The following CDK17 variants were observed in gnomAD, a reference collection of about 807,000 sequenced individuals.
CDK17 encodes cyclin dependent kinase 17.
A neutral mutation model predicts 77.6 loss-of-function variants in CDK17; 24 were observed. The observed-to-expected ratio is 0.31, with a 90% CI of 0.22 to 0.44. The LOEUF (loss-of-function observed/expected upper bound fraction) is 0.44. Among genes scored for constraint, CDK17 ranks in the 20% least tolerant of loss-of-function variants. The pLI is 1.00. For missense variants in CDK17, 429 were observed against 622.5 expected (o/e 0.69, Z 3.31); for synonymous variants, 203 against 210.4 (o/e 0.96, Z 0.30).
chr12:96,395,291 T>C (rs1954150457), intron 1 of CDK17, among the ~76,000 whole-genome samples: 1 of 152,280 alleles, frequency 6.6e-6, no homozygotes. Context: ...CAGTTCAATG[T>C]ACTTTAAATC....
At chr12:96,312,198 G>T (rs1952653460) in intron 4 of CDK17, among the ~76,000 whole-genome samples, 1 of 152,146 alleles carries the variant, frequency 6.6e-6, no homozygotes, top group African/African-American at 2.4e-5. Context: ...GATCACTTGA[G>T]CCCAGGAGGT....
Position 96,297,257 on chromosome 12 carries a change from C to CAAG in CDK17, c.873+10_873+12dup. ...AAACAAAATTTAAAAATTACACACGCAAGAAAACATACCTTTACGTTGTGC... is the reference window on the plus strand; with the variant it reads ...AAACAAAATTTAAAAATTACACACGCAAGAAGAAAACATACCTTTACGTTGTGC... On this transcript the variant is annotated intron_variant, in intron 9 of 16. Coordinates refer to ENST00000261211, the MANE Select transcript of CDK17 (RefSeq NM_002595.5). 1 of 1,581,620 alleles carries CAAG rather than the reference C, an allele frequency of 6.3e-7. No individual in the cohort carries two copies.
At position 96,297,486 on chromosome 12, in the gene CDK17, T is replaced by C. The variant is rs545695164; in HGVS notation, c.810+141A>G. 2,737 of 745,906 alleles carry C rather than the reference T, an allele frequency of 3.7e-3. 14 individuals are homozygous for C. Among genetic ancestry groups the C allele is most frequent in the Non-Finnish European group, 3.2e-3 (1,436 of 443,608 alleles). 46.2% of individuals were successfully genotyped at this position (745,906 alleles called of 1,614,324 possible). A position where few individuals can be genotyped will look rare whatever the true frequency, so the allele number is the denominator to read the frequency against. ...TAATGAAAAACTGATAACTAAATAA[T>C]AAAGTCTCTTGGGCTGTTAAAAAGT... is the stretch of plus-strand genomic sequence containing the variant. On this transcript the variant is annotated intron_variant, in intron 8 of 16. Transcript: ENST00000261211.
intron 1 of CDK17, among the ~76,000 whole-genome samples, chr12:96,362,992 C>T (rs547469511): frequency 1.3e-5 from 2 of 152,268 alleles, no homozygotes; most frequent in South Asian, 4.1e-4. Flanking sequence ...AGACCTCACA[C>T]ATTTATTAAG....
At chr12:96,334,109 T>C (rs903055988) in intron 2 of CDK17, among the ~76,000 whole-genome samples, 1 of 152,214 alleles carries the variant, frequency 6.6e-6, no homozygotes, top group African/African-American at 2.4e-5. Context: ...CTGCACATCA[T>C]GACACACTGA....
chr12:96,281,516 G>C (rs1426362938), intron 15 of CDK17, among the ~76,000 whole-genome samples: 1 of 152,100 alleles, frequency 6.6e-6, no homozygotes, highest in East Asian at 1.9e-4. Context: ...TTACAGGTAC[G>C]CGCCACCACG....
rs1032376963 is a variant in CDK17, at chr12:96,279,371, A to C, written c.*871T>G. ...CAATGAAATATCATCCTTTCTAATA[A>C]AATAAATGTATTTAAAACAAACAAA... On this transcript the variant is annotated 3_prime_UTR_variant, in exon 17 of 17. Coordinates refer to ENST00000261211, the MANE Select transcript of CDK17 (RefSeq NM_002595.5). 6.6e-6 allele frequency: 1 copy of C among 152,144 alleles called. No individual in the cohort carries two copies. The highest frequency in any genetic ancestry group is 2.4e-5 in the African/African-American group (1 of 41,472). 9.4% of individuals were successfully genotyped at this position (152,144 alleles called of 1,614,324 possible).
chr12:96,280,884 A>G lies in CDK17; in HGVS notation c.1458T>C (p.Ser486=), dbSNP rs745829884. 5.0e-6 allele frequency: 8 copies of G among 1,611,166 alleles called. 1 individual carries two copies. The South Asian group carries it at 7.8e-5, about 16-fold the overall frequency. Residue 486 remains serine, a splice_region_variant and synonymous_variant, in exon 16 of 17, where the codon AGT becomes AGC. Coordinates refer to ENST00000261211, the MANE Select transcript of CDK17 (RefSeq NM_002595.5). Reference sequence around the variant, plus strand: ...TCTCTTTCAAACTGAATATTGATACACCTAAAATGCATAGACAAAAATTAT... The same window carrying G: ...TCTCTTTCAAACTGAATATTGATACGCCTAAAATGCATAGACAAAAATTAT... ...LGPRIHALPE[S]VSIFSLKEIQ... is the part of the protein sequence containing the mutation.
chr12:96,355,058 A>C (rs535724218), intron 1 of CDK17, among the ~76,000 whole-genome samples: 1 of 152,084 alleles, frequency 6.6e-6, no homozygotes. Flanking sequence ...GGCACTTACT[A>C]AACTGTTAAA....
At position 96,360,130 on chromosome 12, in the gene CDK17, A is replaced by T. The variant is rs1047810135; in HGVS notation, c.-29-25265T>A. On this transcript the variant is annotated intron_variant, in intron 1 of 16. Coordinates refer to ENST00000261211, the MANE Select transcript of CDK17 (RefSeq NM_002595.5). ...ACAGGCCAAGGTGACCCCACTAAAT[A>T]ATGGAGAGGAAAGCATACTGCAATC... Among the ~76,000 whole-genome samples the T allele has an allele frequency of 8.5e-5, 13 of 152,182 alleles. 1 individual carries two copies. Among genetic ancestry groups the T allele is most frequent in the Non-Finnish European group, 1.9e-4 (13 of 68,028 alleles).
rs1952207427 is a variant in CDK17 at position 96,283,661 on chromosome 12, A to C, written c.1323-16T>G. On this transcript the variant is annotated splice_polypyrimidine_tract_variant and intron_variant, in intron 13 of 16. Transcript: ENST00000261211. ...AGAGTCTAACCTAGAAACAACAAAG[A>C]ACAAGTAAAAATTTATGCTCTCTTA... is the stretch of plus-strand genomic sequence containing the variant. The C allele has an allele frequency of 2.5e-6, 4 of 1,572,862 alleles. No homozygotes were observed. The highest frequency in any genetic ancestry group is 2.6e-6 in the Non-Finnish European group (3 of 1,147,168).
intron 1 of CDK17, among the ~76,000 whole-genome samples, chr12:96,381,418 A>T (rs1011315400): frequency 7.9e-5 from 12 of 152,130 alleles, no homozygotes; most frequent in African/African-American, 2.9e-4. Flanking sequence ...ACAACGGGTA[A>T]CAGGAAGTCT....
chr12:96,384,484 T>C (rs1011573270), intron 1 of CDK17, among the ~76,000 whole-genome samples: 1 of 152,102 alleles, frequency 6.6e-6, no homozygotes. Context: ...CTATTCACAA[T>C]AGCAAAGACA....
chr12:96,330,294 CA>C (rs925118380), intron 2 of CDK17, among the ~76,000 whole-genome samples: 2,393 of 134,304 alleles, frequency 0.018, 16 homozygotes, highest in Middle Eastern at 0.048. Flanking sequence ...GCAGTGACAG[CA>C]AAAAAAAAAA....
At chr12:96,366,863 C>T (rs1196585216) in intron 1 of CDK17, among the ~76,000 whole-genome samples, 2 of 152,166 alleles carry the variant, frequency 1.3e-5, no homozygotes, top group Non-Finnish European at 2.9e-5. Flanking sequence ...ATCAACTACA[C>T]AAGTCAGTAA....
At position 96,278,763 on chromosome 12, in the gene CDK17, T is replaced by C. The variant is rs1227303552; in HGVS notation, c.*1479A>G. 6.6e-6 allele frequency: 1 copy of C among 152,604 alleles called. No homozygotes were observed. The highest frequency in any genetic ancestry group is 1.5e-5 in the Non-Finnish European group (1 of 67,986). 9.5% of individuals were successfully genotyped at this position (152,604 alleles called of 1,614,324 possible). On this transcript the variant is annotated 3_prime_UTR_variant, in exon 17 of 17. Coordinates refer to ENST00000261211, the MANE Select transcript of CDK17 (RefSeq NM_002595.5). The stretch of plus-strand genomic sequence containing the variant: ...ATTCACCATTACACATGAATCTGTT[T>C]CTTCCAGAATTTTTTAAAATTAAAA...
At chr12:96,380,634 T>C (rs1211233899) in intron 1 of CDK17, among the ~76,000 whole-genome samples, 1 of 152,178 alleles carries the variant, frequency 6.6e-6, no homozygotes, top group Non-Finnish European at 1.5e-5. Context: ...TTGAGAGTAC[T>C]TCTGAAGCAC....
intron 5 of CDK17, among the ~76,000 whole-genome samples, chr12:96,303,922 C>A (rs1952541244): frequency 6.6e-6 from 1 of 152,136 alleles, no homozygotes; most frequent in South Asian, 2.1e-4. Context: ...GCAGACAGCA[C>A]TGAAACCTGT....
At chr12:96,335,774 T>C (rs1953032822) in intron 1 of CDK17, among the ~76,000 whole-genome samples, 1 of 152,232 alleles carries the variant, frequency 6.6e-6, no homozygotes, top group Admixed American at 6.5e-5. Flanking sequence ...TAGTAGAGTC[T>C]TGGATATGAT....
Sources: allele counts gnomAD v4.1 joint callset (sites outside exome capture counted in the v4.1 genomes callset), GRCh38; gene constraint gnomAD v4.1.1; transcripts MANE v1.5; gene names NCBI Gene and HGNC (gene_info 2026-07-23, HGNC 2026-07-21).